Variants in SDK1 observed in about 807,000 individuals in gnomAD.
SDK1 encodes the protein sidekick cell adhesion molecule 1.
A neutral mutation model predicts 245.5 loss-of-function variants in SDK1; 157 were observed. That is an observed-to-expected ratio of 0.64 (90% CI 0.56 to 0.73). The LOEUF (loss-of-function observed/expected upper bound fraction) is 0.73. Among genes scored for constraint, SDK1 ranks in the 30% least tolerant of loss-of-function variants. The pLI, the probability that SDK1 is intolerant of heterozygous loss-of-function variation, is 0.00. For synonymous variants in SDK1, 1,647 were observed against 1,278.5 expected (o/e 1.29, Z -6.15); for missense variants, 3,583 against 3,002.3 (o/e 1.19, Z -4.52).
intron 5 of SDK1, among the ~76,000 whole-genome samples, chr7:3,834,408 G>A (rs1269564745): frequency 2.0e-5 from 3 of 152,214 alleles, no homozygotes; most frequent in Non-Finnish European, 2.9e-5. Flanking sequence ...ACACGAAAGG[G>A]AGTTGTGTAG....
intron 22 of SDK1, among the ~76,000 whole-genome samples, chr7:4,094,092 C>T (rs952147550): frequency 1.3e-5 from 2 of 152,002 alleles, no homozygotes; most frequent in African/African-American, 2.4e-5. Context: ...ACTCTCATTC[C>T]GTTGCCCAGG....
intron 1 of SDK1, among the ~76,000 whole-genome samples, chr7:3,356,575 C>A (rs1236849558): frequency 6.6e-6 from 1 of 152,082 alleles, no homozygotes; most frequent in African/African-American, 2.4e-5. Flanking sequence ...TGTGTGTATT[C>A]TGAAGATAAT....
intron 38 of SDK1, among the ~76,000 whole-genome samples, chr7:4,218,443 A>C (rs1784958621): frequency 1.3e-5 from 2 of 152,234 alleles, no homozygotes; most frequent in African/African-American, 4.8e-5. Flanking sequence ...AAAATAATTT[A>C]GCTGAATATA....
At chr7:3,481,941 A>T (rs10242223) in intron 1 of SDK1, among the ~76,000 whole-genome samples, 1 of 152,070 alleles carries the variant, frequency 6.6e-6, no homozygotes, top group Non-Finnish European at 1.5e-5. Flanking sequence ...GCCGTCCTTT[A>T]TGGAAATAAA....
chr7:3,482,336 G>C (rs1003598199), intron 1 of SDK1, among the ~76,000 whole-genome samples: 1 of 152,204 alleles, frequency 6.6e-6, no homozygotes, highest in African/African-American at 2.4e-5. Context: ...CGAGCTCTTA[G>C]ACTGCCTTCA....
At position 4,113,369 on chromosome 7, in the gene SDK1, C is replaced by A. The variant is rs766328091; in HGVS notation, c.3515C>A (p.Pro1172Gln). The change falls in exon 24 of 45, where the codon CCA becomes CAA. Residue 1172 changes from proline to glutamine, a missense_variant. Transcript: ENST00000404826. ...CGGGTCATCCAGACCCTGCAGGCCCCACCCGACGTGGCTCCAACCAGCGTC... is the reference window on the plus strand; with the variant it reads ...CGGGTCATCCAGACCCTGCAGGCCCAACCCGACGTGGCTCCAACCAGCGTC... ...SSRVIQTLQA[P>Q]PDVAPTSVTV... 9.3e-6 allele frequency: 15 copies of A among 1,613,836 alleles called. No homozygotes were observed. The highest frequency in any genetic ancestry group is 1.7e-5 in the Admixed American group (1 of 60,004).
chr7:3,723,939 TATATAGAGAGAGAGAGAGAG>T (rs1778924100), intron 4 of SDK1, among the ~76,000 whole-genome samples: 1 of 116,712 alleles, frequency 8.6e-6, no homozygotes, highest in Non-Finnish European at 1.8e-5. Context: ...TATATATATA[TATATAGAGAGAGAGAGAGAG>T]AGAGAGAGAG....
intron 22 of SDK1, among the ~76,000 whole-genome samples, chr7:4,094,187 G>C (rs959074013): frequency 6.6e-6 from 1 of 152,070 alleles, no homozygotes; most frequent in African/African-American, 2.4e-5. Context: ...CTCCCGAGTA[G>C]AGTGGCTGGG....
chr7:3,655,127 A>T (rs1214999931), intron 4 of SDK1, among the ~76,000 whole-genome samples: 6 of 150,160 alleles, frequency 4.0e-5, no homozygotes, highest in Non-Finnish European at 8.9e-5. Context: ...GAGGCATTTT[A>T]AATGCATATA....
chr7:3,361,234 A>G (rs1211446845), intron 1 of SDK1, among the ~76,000 whole-genome samples: 1 of 152,228 alleles, frequency 6.6e-6, no homozygotes, highest in Non-Finnish European at 1.5e-5. Flanking sequence ...TTGCACTCGC[A>G]TCTGGATAAC....
intron 4 of SDK1, among the ~76,000 whole-genome samples, chr7:3,647,078 A>G (rs369327153): frequency 5.3e-5 from 8 of 152,186 alleles, no homozygotes; most frequent in African/African-American, 1.9e-4. Flanking sequence ...AACTATACTT[A>G]AAAGTGGTTA....
chr7:3,826,618 A>G (rs1779782449), intron 5 of SDK1, among the ~76,000 whole-genome samples: 1 of 152,122 alleles, frequency 6.6e-6, no homozygotes, highest in South Asian at 2.1e-4. Context: ...ACAAATACAT[A>G]AATCCACCTC....
At chr7:3,606,440 T>C (rs1185573764) in intron 1 of SDK1, among the ~76,000 whole-genome samples, 4 of 152,170 alleles carry the variant, frequency 2.6e-5, no homozygotes. Flanking sequence ...TTTGCTAAAA[T>C]TTCCCCATTG....
At position 3,320,134 on chromosome 7, in the gene SDK1, C is replaced by G. The variant is rs141514847; in HGVS notation, c.298+18250C>G. ...TATGGGTTTAGGAAGCTCCGGATGA[C>G]TGTTTCACACACGCACTCCCCTCTC... is the stretch of plus-strand genomic sequence containing the variant. On this transcript the variant is annotated intron_variant, in intron 1 of 44. Coordinates refer to ENST00000404826, the MANE Select transcript of SDK1 (RefSeq NM_152744.4). 7.9e-3 allele frequency among the ~76,000 whole-genome samples: 1,203 copies of G among 152,096 alleles called. 17 individuals carry two copies. Among genetic ancestry groups the G allele is most frequent in the African/African-American group, 0.028 (1,170 of 41,458 alleles).
In SDK1 at chr7:4,188,326, A is replaced by G. The variant is rs1302922876; in HGVS notation, c.5098+9740A>G. The stretch of plus-strand genomic sequence containing the variant: ...TTTTTCTTTAATATGGGCATTTACA[A>G]GAAATAGCCCAGGTTAAGTTTTGTT... On this transcript the variant is annotated intron_variant, in intron 35 of 44. Transcript: ENST00000404826. 2.6e-5 allele frequency among the ~76,000 whole-genome samples: 4 copies of G among 152,326 alleles called. No homozygotes were observed. The South Asian group carries it at 6.2e-4, about 24-fold the overall frequency.
intron 4 of SDK1, among the ~76,000 whole-genome samples, chr7:3,740,447 T>C (rs1701376335): frequency 6.6e-6 from 1 of 152,198 alleles, no homozygotes; most frequent in African/African-American, 2.4e-5. Flanking sequence ...ATTGAGCATG[T>C]GTCACAGATT....
chr7:3,422,222 A>C (rs1195184881), intron 1 of SDK1, among the ~76,000 whole-genome samples: 1 of 151,940 alleles, frequency 6.6e-6, no homozygotes, highest in African/African-American at 2.4e-5. Flanking sequence ...CAGCCAAACT[A>C]CTCTTACATA....
chr7:3,307,149 T>A (rs1404754299), intron 1 of SDK1, among the ~76,000 whole-genome samples: 1 of 152,218 alleles, frequency 6.6e-6, no homozygotes, highest in East Asian at 1.9e-4. Context: ...TAACCGAGCA[T>A]TTTAATTTGC....
chr7:3,370,229 T>G (rs961103576), intron 1 of SDK1, among the ~76,000 whole-genome samples: 3 of 152,208 alleles, frequency 2.0e-5, no homozygotes, highest in Non-Finnish European at 4.4e-5. Context: ...TACAGTCTCC[T>G]TACCGGCAGG....
Sources: allele counts gnomAD v4.1 joint callset (sites outside exome capture counted in the v4.1 genomes callset), GRCh38; gene constraint gnomAD v4.1.1; transcripts MANE v1.5; gene names NCBI Gene and HGNC (gene_info 2026-07-23, HGNC 2026-07-21).